Variants in FARS2 observed in about 807,000 individuals in gnomAD.
FARS2 encodes phenylalanyl-tRNA synthetase 2, mitochondrial, also known as phenylalanine--tRNA ligase, mitochondrial.
A neutral mutation model predicts 46.4 loss-of-function variants in FARS2; 40 were observed. The ratio of observed to expected loss-of-function variants is 0.86; its 90% CI spans 0.67 to 1.12. The LOEUF is 1.12. Ranked by LOEUF, FARS2 falls within the 50% of genes most tolerant of loss-of-function variation. The pLI, the probability that FARS2 is intolerant of heterozygous loss-of-function variation, is 0.00. For synonymous variants in FARS2, 234 were observed against 214.9 expected, an observed-to-expected ratio of 1.09 and a Z score of -0.78; for missense variants, 513 against 567.9, an observed-to-expected ratio of 0.90 and a Z score of 0.98.
chr6:5,726,502 A>G (rs1458133238), intron 6 of FARS2, among the ~76,000 whole-genome samples: 8 of 152,262 alleles, frequency 5.3e-5, no homozygotes, highest in African/African-American at 1.9e-4. Flanking sequence ...AGGGCCGTAA[A>G]GAAACACAGA....
intron 1 of FARS2, among the ~76,000 whole-genome samples, chr6:5,300,663 T>TTTTC (rs943969599): frequency 5.3e-5 from 8 of 151,954 alleles, no homozygotes; most frequent in South Asian, 2.1e-4. Context: ...GTCATTTCCT[T>TTTTC]TTTCTTTCTT....
chr6:5,413,072 CT>C (rs1165908405), intron 3 of FARS2, among the ~76,000 whole-genome samples: 1 of 152,154 alleles, frequency 6.6e-6, no homozygotes, highest in East Asian at 1.9e-4. Context: ...CTAAGACACA[CT>C]TTTCCTTAGA....
upstream of FARS2, chr6:5,261,039 G>A (rs1206718127): frequency 7.1e-6 from 6 of 849,082 alleles, no homozygotes; most frequent in East Asian, 7.8e-5. Context: ...CCCAGCAGCC[G>A]CTCCACGCGG....
At chr6:5,670,226 G>A (rs1246068082) in intron 6 of FARS2, among the ~76,000 whole-genome samples, 1 of 152,132 alleles carries the variant, frequency 6.6e-6, no homozygotes, top group Non-Finnish European at 1.5e-5. Flanking sequence ...AGTTGCTTTG[G>A]TCCTTGATCA....
At chr6:5,757,386 C>T (rs1207331570) in intron 6 of FARS2, among the ~76,000 whole-genome samples, 1 of 152,070 alleles carries the variant, frequency 6.6e-6, no homozygotes, top group East Asian at 1.9e-4. Context: ...CAAATAGCAT[C>T]ATTTCTGTTT....
chr6:5,734,863 G>A (rs1321080432), intron 6 of FARS2, among the ~76,000 whole-genome samples: 1 of 152,196 alleles, frequency 6.6e-6, no homozygotes, highest in African/African-American at 2.4e-5. Flanking sequence ...AATCTATAGT[G>A]TAGATAGAAA....
chr6:5,678,037 G>A (rs1165830409), intron 6 of FARS2, among the ~76,000 whole-genome samples: 1 of 152,138 alleles, frequency 6.6e-6, no homozygotes, highest in Non-Finnish European at 1.5e-5. Flanking sequence ...AGAGATCAAG[G>A]CATCAAAGCC....
At chr6:5,661,521 G>A (rs1230603220) in intron 6 of FARS2, among the ~76,000 whole-genome samples, 1 of 152,194 alleles carries the variant, frequency 6.6e-6, no homozygotes, top group Non-Finnish European at 1.5e-5. Flanking sequence ...CCTGGAACGT[G>A]GGGGAGCCAG....
At chr6:5,645,760 G>A (rs142866579) in intron 6 of FARS2, among the ~76,000 whole-genome samples, 109 of 152,328 alleles carry the variant, frequency 7.2e-4, no homozygotes, top group African/African-American at 2.5e-3. Context: ...TTCAGTTGAC[G>A]TGGTGCTTTG....
chr6:5,731,079 G>A (rs1034641671), intron 6 of FARS2, among the ~76,000 whole-genome samples: 1 of 152,184 alleles, frequency 6.6e-6, no homozygotes, highest in Non-Finnish European at 1.5e-5. Context: ...TCACCATACA[G>A]CCCGCCCCCG....
intron 6 of FARS2, among the ~76,000 whole-genome samples, chr6:5,616,619 A>G (rs1338072262): frequency 3.3e-5 from 5 of 152,234 alleles, no homozygotes; most frequent in Non-Finnish European, 4.4e-5. Context: ...AGGTAATTTT[A>G]TACAATATTT....
At chr6:5,572,787 T>A (rs1222421831) in intron 5 of FARS2, among the ~76,000 whole-genome samples, 1 of 152,194 alleles carries the variant, frequency 6.6e-6, no homozygotes, top group Non-Finnish European at 1.5e-5. Flanking sequence ...TCTGCTTTTT[T>A]AAAATGCTCC....
chr6:5,616,991 T>C (rs1254464119), intron 6 of FARS2, among the ~76,000 whole-genome samples: 1 of 151,936 alleles, frequency 6.6e-6, no homozygotes, highest in Non-Finnish European at 1.5e-5. Context: ...ATTGAATCTT[T>C]TTGATAATTT....
At chr6:5,405,480 C>CTTTTTTTTTGTTTTTTTTTTTTT (rs1761521418) in intron 3 of FARS2, among the ~76,000 whole-genome samples, 1 of 58,946 alleles carries the variant, frequency 1.7e-5, no homozygotes, top group Non-Finnish European at 3.1e-5. Context: ...GAGCAAGGTT[C>CTTTTTTTTTGTTTTTTTTTTTTT]TTTTTTTTTT....
intron 4 of FARS2, among the ~76,000 whole-genome samples, chr6:5,544,152 C>T (rs1770806958): frequency 6.6e-6 from 1 of 152,200 alleles, no homozygotes; most frequent in African/African-American, 2.4e-5. Flanking sequence ...CTGCTGGTGC[C>T]TCTCTGAGCT....
At position 5,596,204 on chromosome 6, in the gene FARS2, G is replaced by T. The variant is rs75024837; in HGVS notation, c.1066-16965G>T. Reference sequence around the variant, plus strand: ...TTCAGGGAGGCCGTCAGGAAGAGGAGATGCTTTGTTGGTGTGCTGTGATTG... The same window carrying T: ...TTCAGGGAGGCCGTCAGGAAGAGGATATGCTTTGTTGGTGTGCTGTGATTG... On this transcript the variant is annotated intron_variant, in intron 5 of 6. Coordinates refer to ENST00000274680, the MANE Select transcript of FARS2 (RefSeq NM_006567.5). 6.2e-3 allele frequency among the ~76,000 whole-genome samples: 946 copies of T among 152,290 alleles called. 7 individuals are homozygous for T. The highest frequency in any genetic ancestry group is 0.022 in the African/African-American group (902 of 41,544).
chr6:5,337,343 T>C (rs1430993471), intron 1 of FARS2, among the ~76,000 whole-genome samples: 3 of 152,120 alleles, frequency 2.0e-5, no homozygotes, highest in Non-Finnish European at 4.4e-5. Flanking sequence ...CAAACGAACT[T>C]GGGAATCATT....
chr6:5,291,291 A>G (rs370082375), intron 1 of FARS2: 1 of 152,170 alleles, frequency 6.6e-6, no homozygotes, highest in African/African-American at 2.4e-5. Context: ...CCTCTCATTT[A>G]TCATTGGGAT....
intron 6 of FARS2, among the ~76,000 whole-genome samples, chr6:5,646,497 C>T (rs1164478261): frequency 6.6e-6 from 1 of 152,128 alleles, no homozygotes; most frequent in Non-Finnish European, 1.5e-5. Context: ...TTCACGGCTC[C>T]TCTACTCTTG....
Sources: gnomAD v4.1 joint callset for allele counts (sites outside exome capture counted in the v4.1 genomes callset) on GRCh38, gnomAD v4.1.1 for gene constraint, MANE v1.5 for transcripts, NCBI Gene and HGNC (gene_info 2026-07-23, HGNC 2026-07-21) for gene names.